Variants in PPFIBP1 observed in about 807,000 individuals in gnomAD.
The protein encoded by PPFIBP1 is PPFIB scaffold protein 1, also known as liprin-beta-1.
Under a neutral mutation model 137.8 loss-of-function variants are expected in PPFIBP1, and 112 were observed. The ratio of observed to expected loss-of-function variants is 0.81; its 90% CI spans 0.70 to 0.95. The LOEUF (loss-of-function observed/expected upper bound fraction) is 0.95, where lower values mean the gene tolerates loss of function less well. PPFIBP1 is among the 40% of genes least tolerant of loss of function. The pLI is 0.00. For synonymous variants in PPFIBP1, 378 were observed against 417.3 expected, an observed-to-expected ratio of 0.91 and a Z score of 1.15; for missense variants, 1,083 against 1,196.6, an observed-to-expected ratio of 0.91 and a Z score of 1.40.
Position 27,689,196 on chromosome 12 carries a change from A to G in PPFIBP1, c.2678A>G (p.Lys893Arg). Reference sequence around the variant, plus strand: ...TATGTACTTCTAACAGCTACTGCCAAAGTGAAGGTTGGTTCAGGCTCATAC... The same window carrying G: ...TATGTACTTCTAACAGCTACTGCCAGAGTGAAGGTTGGTTCAGGCTCATAC... Reference protein sequence around the residue: ...PDYVLLTATAKVKPKKLAFSN... With the variant: ...PDYVLLTATARVKPKKLAFSN... Residue 893 changes from lysine to arginine, a missense_variant, in exon 27 of 30, where the codon AAA becomes AGA. Coordinates refer to ENST00000228425, the MANE Select transcript of PPFIBP1 (RefSeq NM_003622.4). The G allele has an allele frequency of 1.3e-6, 2 of 1,564,838 alleles. No individual in the cohort carries two copies. Among genetic ancestry groups the G allele is most frequent in the Non-Finnish European group, 1.7e-6 (2 of 1,162,284 alleles).
intron 7 of PPFIBP1, among the ~76,000 whole-genome samples, chr12:27,652,768 T>C (rs1243231022): frequency 1.3e-5 from 2 of 152,134 alleles, no homozygotes; most frequent in East Asian, 3.9e-4. Context: ...TTCTTAGCAA[T>C]GAGAAAGTAG....
chr12:27,531,019 C>CA (rs1944358691), intron 1 of PPFIBP1, among the ~76,000 whole-genome samples: 1 of 152,198 alleles, frequency 6.6e-6, no homozygotes, highest in South Asian at 2.1e-4. Context: ...GAACTTGGGT[C>CA]AGTTACTTGC....
chr12:27,675,072 G>A (rs1179447111), intron 17 of PPFIBP1, among the ~76,000 whole-genome samples: 5 of 151,156 alleles, frequency 3.3e-5, no homozygotes, highest in Admixed American at 2.6e-4. Context: ...GAACTCCTGA[G>A]CTCAAGTAAT....
At chr12:27,581,721 G>T (rs1426119160) in intron 2 of PPFIBP1, among the ~76,000 whole-genome samples, 1 of 152,070 alleles carries the variant, frequency 6.6e-6, no homozygotes, top group Non-Finnish European at 1.5e-5. Flanking sequence ...TAAAAATACT[G>T]CTTGGGGATG....
At chr12:27,576,246 A>T (rs974061020) in intron 1 of PPFIBP1, among the ~76,000 whole-genome samples, 1 of 151,728 alleles carries the variant, frequency 6.6e-6, no homozygotes, top group Non-Finnish European at 1.5e-5. Context: ...TATTCTACTA[A>T]TTTTCTCCTT....
chr12:27,614,648 C>T (rs1032819718), intron 2 of PPFIBP1, among the ~76,000 whole-genome samples: 6 of 152,114 alleles, frequency 3.9e-5, no homozygotes, highest in Admixed American at 3.9e-4. Flanking sequence ...GCAGATTTTT[C>T]TACTCATTCT....
At chr12:27,557,308 T>C (rs952868378) in intron 1 of PPFIBP1, among the ~76,000 whole-genome samples, 5 of 150,856 alleles carry the variant, frequency 3.3e-5, no homozygotes, top group African/African-American at 1.2e-4. Flanking sequence ...AGATCTCGGC[T>C]CTCTGCGAGC....
chr12:27,570,726 C>G (rs1330963382), intron 1 of PPFIBP1, among the ~76,000 whole-genome samples: 1 of 151,706 alleles, frequency 6.6e-6, no homozygotes, highest in African/African-American at 2.4e-5. Context: ...CTGGCTAACA[C>G]AGTGAAACCC....
intron 2 of PPFIBP1, among the ~76,000 whole-genome samples, chr12:27,601,060 G>T (rs1261531395): frequency 1.3e-5 from 2 of 152,110 alleles, no homozygotes; most frequent in Non-Finnish European, 2.9e-5. Context: ...TAGAGCACCA[G>T]ACTTATTCCT....
At chr12:27,597,066 C>T (rs1337774692) in intron 2 of PPFIBP1, among the ~76,000 whole-genome samples, 1 of 152,190 alleles carries the variant, frequency 6.6e-6, no homozygotes, top group Non-Finnish European at 1.5e-5. Context: ...AGGGGAACCG[C>T]ATGTTCTAAA....
intron 1 of PPFIBP1, among the ~76,000 whole-genome samples, chr12:27,569,350 G>A (rs182044566): frequency 5.9e-5 from 9 of 152,240 alleles, no homozygotes; most frequent in Admixed American, 1.3e-4. Flanking sequence ...TAGAAGTCTC[G>A]TATTATCTTT....
chr12:27,680,481 C>T (rs2060813076), intron 21 of PPFIBP1, among the ~76,000 whole-genome samples: 1 of 152,146 alleles, frequency 6.6e-6, no homozygotes, highest in Non-Finnish European at 1.5e-5. Flanking sequence ...GCTTCCACAC[C>T]CTGTGCCTCA....
chr12:27,593,821 T>A, intron 2 of PPFIBP1: 1 of 1,272,382 alleles, frequency 7.9e-7, no homozygotes, highest in Non-Finnish European at 1.1e-6. Flanking sequence ...GAATTTGGTA[T>A]TGTCTCTTCA....
At chr12:27,646,273 C>G (rs1381216222) in intron 5 of PPFIBP1, 125 bp downstream of exon 5, 4 of 756,222 alleles carry the variant, frequency 5.3e-6, no homozygotes, top group East Asian at 2.8e-5. Context: ...GATAAGCCAT[C>G]TGTACACAAT....
intron 9 of PPFIBP1, 44 bp from the exon 10 acceptor site, chr12:27,658,772 T>C (rs201947912): frequency 1.5e-4 from 239 of 1,556,250 alleles, no homozygotes; most frequent in Non-Finnish European, 1.9e-4. Context: ...TACTTATTGT[T>C]GTAATGTATG....
chr12:27,680,690 AGATTC>A (rs1250078275), intron 21 of PPFIBP1, among the ~76,000 whole-genome samples: 1 of 152,236 alleles, frequency 6.6e-6, no homozygotes, highest in Non-Finnish European at 1.5e-5. Context: ...TTATCCATTA[AGATTC>A]TAAGAACTGC....
rs1365089614 is a variant in PPFIBP1 at position 27,633,386 on chromosome 12, C to G, written c.-11C>G. ...GATCTGGGTTGGAATTTGCCCCTGA[C>G]AAATAATAAAATGATGAGTGATGCA... On this transcript the variant is annotated 5_prime_UTR_variant, in exon 3 of 30. Coordinates refer to ENST00000228425, the MANE Select transcript of PPFIBP1 (RefSeq NM_003622.4). 6.2e-7 allele frequency: 1 copy of G among 1,613,024 alleles called. No individual in the cohort carries two copies. Among genetic ancestry groups the G allele is most frequent in the Admixed American group, 1.7e-5 (1 of 59,954 alleles).
Position 27,654,421 on chromosome 12 carries a change from T to C in PPFIBP1, c.604-301T>C, listed in dbSNP as rs1278913115. 3.4e-5 allele frequency: 7 copies of C among 206,358 alleles called. No individual in the cohort carries two copies. The South Asian group carries it at 5.3e-4, about 16-fold the overall frequency. 12.8% of individuals were successfully genotyped at this position (206,358 alleles called of 1,614,324 possible). ...AAATAGCATAGAGTCATTTTTAGGATAGAAATATCTGACAAATAATAGATA... is the reference window on the plus strand; with the variant it reads ...AAATAGCATAGAGTCATTTTTAGGACAGAAATATCTGACAAATAATAGATA... On this transcript the variant is annotated intron_variant, in intron 7 of 29. Transcript: ENST00000228425.
chr12:27,555,505 AT>A (rs1184492783), intron 1 of PPFIBP1, among the ~76,000 whole-genome samples: 2 of 152,114 alleles, frequency 1.3e-5, no homozygotes, highest in Admixed American at 6.6e-5. Context: ...TGCTACAGTT[AT>A]TTTTCCCCCT....
Sources: allele counts gnomAD v4.1 joint callset (sites outside exome capture counted in the v4.1 genomes callset), GRCh38; gene constraint gnomAD v4.1.1; transcripts MANE v1.5; gene names NCBI Gene and HGNC (gene_info 2026-07-23, HGNC 2026-07-21).